The following SIRT4 variants were observed in gnomAD, a reference collection of about 807,000 sequenced individuals.
SIRT4 encodes sirtuin 4.
SIRT4 carries 23 observed loss-of-function variants against 26.1 expected under a neutral mutation model. The observed-to-expected ratio is 0.88, with a 90% confidence interval of 0.63 to 1.25. The LOEUF (loss-of-function observed/expected upper bound fraction) is 1.25. SIRT4 is among the 50% of genes most tolerant of loss of function. SIRT4 has a pLI of 0.00. For missense variants in SIRT4, 361 were observed against 405.4 expected (o/e 0.89, Z 0.94); for synonymous variants, 155 against 158.4 (o/e 0.98, Z 0.16).
chr12:120,291,985 T>G, the SIRT4 span: 1 of 152,158 alleles, frequency 6.6e-6, no homozygotes, highest in Non-Finnish European at 1.5e-5. Context: ...CGTGTGTCCG[T>G]GTATACGACG....
chr12:120,295,991 G>T, the SIRT4 span, among the ~76,000 whole-genome samples: 1 of 144,708 alleles, frequency 6.9e-6, no homozygotes, highest in Non-Finnish European at 1.5e-5. Context: ...GGGGGCTGAG[G>T]CAGGAGGATC....
chr12:120,311,650 G>A lies in SIRT4; in HGVS notation c.498-806G>A, dbSNP rs145793462. Among the ~76,000 whole-genome samples, 1,027 of 140,880 alleles carry A rather than the reference G, an allele frequency of 7.3e-3. 10 individuals carry two copies. The highest frequency in any genetic ancestry group is 0.026 in the African/African-American group (969 of 37,548). The allele number at this position is 140,880 out of a possible 152,430, so 92.4% of individuals were successfully genotyped here. A position where few individuals can be genotyped will look rare whatever the true frequency, so the allele number is the denominator to read the frequency against. On this transcript the variant is annotated intron_variant, in intron 2 of 3. Transcript: ENST00000202967. Reference sequence around the variant, plus strand: ...CTCAGGAGGCTGAGGCAGGAGAATCGCTTGAGACCAGGAGGTGGAGGTTGC... The same window carrying A: ...CTCAGGAGGCTGAGGCAGGAGAATCACTTGAGACCAGGAGGTGGAGGTTGC...
intron 2 of SIRT4, among the ~76,000 whole-genome samples, chr12:120,304,997 T>C (rs550788420): frequency 6.6e-6 from 1 of 151,174 alleles, no homozygotes; most frequent in East Asian, 2.0e-4. Context: ...CTACTAAAAA[T>C]ACAAAAATCT....
chr12:120,302,084 A>G (rs1203485254), upstream of SIRT4, among the ~76,000 whole-genome samples: 2 of 152,010 alleles, frequency 1.3e-5, no homozygotes, highest in Admixed American at 6.6e-5. Flanking sequence ...AAAAAAGAAA[A>G]AAAATCTTAT....
At chr12:120,303,469 T>G in intron 1 of SIRT4, 92 bp from the exon 2 acceptor site, 1 of 1,422,494 alleles carries the variant, frequency 7.0e-7, no homozygotes, top group Non-Finnish European at 9.4e-7. Flanking sequence ...AGGGAGACTC[T>G]GTCTCAAAAA....
At chr12:120,304,081 G>A in intron 2 of SIRT4, 23 bp downstream of exon 2, 1 of 1,598,862 alleles carries the variant, frequency 6.3e-7, no homozygotes, top group Non-Finnish European at 8.5e-7. Flanking sequence ...TACACGGTTT[G>A]AACGCAAACC....
At chr12:120,309,413 CTTTTTTT>C (rs1217829590) in intron 2 of SIRT4, among the ~76,000 whole-genome samples, 1 of 135,648 alleles carries the variant, frequency 7.4e-6, no homozygotes, top group Non-Finnish European at 1.6e-5. Context: ...TTTTTCTTTT[CTTTTTTT>C]TTTTTTTTTG....
intron 2 of SIRT4, among the ~76,000 whole-genome samples, chr12:120,308,771 G>T (rs1222717857): frequency 6.6e-6 from 1 of 152,174 alleles, no homozygotes; most frequent in Non-Finnish European, 1.5e-5. Flanking sequence ...ATTTGAGGAA[G>T]GCTAAACAGG....
intron 2 of SIRT4, among the ~76,000 whole-genome samples, chr12:120,308,648 G>A (rs1463267925): frequency 2.0e-5 from 3 of 152,168 alleles, no homozygotes; most frequent in Non-Finnish European, 4.4e-5. Flanking sequence ...GGGAAAGTTA[G>A]GCCCAAATCA....
intron 2 of SIRT4, among the ~76,000 whole-genome samples, chr12:120,312,153 C>T (rs945409030): frequency 6.6e-5 from 10 of 151,802 alleles, no homozygotes; most frequent in Admixed American, 2.6e-4. Context: ...CGAGATGGCG[C>T]GTGTTTGTAG....
the SIRT4 span, among the ~76,000 whole-genome samples, chr12:120,292,228 A>G: frequency 5.9e-5 from 9 of 152,202 alleles, no homozygotes; most frequent in Admixed American, 5.9e-4. Flanking sequence ...CAGACGGACG[A>G]CTAGCTGTGC....
At chr12:120,295,845 G>A in the SIRT4 span, among the ~76,000 whole-genome samples, 1 of 151,648 alleles carries the variant, frequency 6.6e-6, no homozygotes, top group Non-Finnish European at 1.5e-5. Flanking sequence ...ATCACCTGAG[G>A]TCAGGAGTTC....
chr12:120,309,930 G>A (rs1487658076), intron 2 of SIRT4, among the ~76,000 whole-genome samples: 3 of 148,952 alleles, frequency 2.0e-5, no homozygotes, highest in Middle Eastern at 3.4e-3. Flanking sequence ...TTGGCCAGGC[G>A]GGTCTCAAAC....
chr12:120,298,716 G>T (rs979587020), upstream of SIRT4, among the ~76,000 whole-genome samples: 2 of 151,042 alleles, frequency 1.3e-5, no homozygotes, highest in African/African-American at 4.9e-5. Flanking sequence ...AGACCATGCT[G>T]ACAAGCATGG....
rs1381644270 is a variant in SIRT4, at chr12:120,303,859, C to T, written c.298C>T (p.Pro100Ser). 1.9e-6 allele frequency: 3 copies of T among 1,614,184 alleles called. No homozygotes were observed. The highest frequency in any genetic ancestry group is 2.5e-6 in the Non-Finnish European group (3 of 1,180,026). The change falls in exon 2 of 4, where the codon CCA becomes TCA. Residue 100 changes from proline to serine, a missense_variant. By Grantham distance (74) the Pro-to-Ser change is moderately conservative (BLOSUM62 -1). Transcript: ENST00000202967. ...IQHGDFVRSA[P>S]IRQRYWARNF... ...GCATGGTGATTTTGTCCGGAGTGCC[C>T]CAATCCGCCAGCGGTACTGGGCGAG...
At chr12:120,293,414 G>C in the SIRT4 span, among the ~76,000 whole-genome samples, 3 of 152,172 alleles carry the variant, frequency 2.0e-5, no homozygotes, top group Non-Finnish European at 4.4e-5. Flanking sequence ...ATTTCACTTA[G>C]CTAGGTTTTT....
chr12:120,293,181 C>T, the SIRT4 span: 3 of 152,130 alleles, frequency 2.0e-5, no homozygotes, highest in Admixed American at 6.6e-5. Flanking sequence ...TTTCAATTAG[C>T]AATAATCGCG....
At chr12:120,308,846 T>C (rs1872846166) in intron 2 of SIRT4, among the ~76,000 whole-genome samples, 1 of 152,070 alleles carries the variant, frequency 6.6e-6, no homozygotes, top group Admixed American at 6.6e-5. Context: ...TCCAGGGAAT[T>C]TGAGTTAATG....
At chr12:120,299,807 C>T (rs1451757078), upstream of SIRT4, among the ~76,000 whole-genome samples, 1 of 152,046 alleles carries the variant, frequency 6.6e-6, no homozygotes. Flanking sequence ...CATCACTAAC[C>T]CCATCAGACA....
Sources: gnomAD v4.1 joint callset for allele counts (sites outside exome capture counted in the v4.1 genomes callset) on GRCh38, gnomAD v4.1.1 for gene constraint, MANE v1.5 for transcripts, NCBI Gene and HGNC (gene_info 2026-07-23, HGNC 2026-07-21) for gene names.